PTPN18: variants seen among roughly 807,000 people sequenced by gnomAD.
PTPN18 encodes protein tyrosine phosphatase non-receptor type 18.
Under a neutral mutation model 65.4 loss-of-function variants are expected in PTPN18, and 65 were observed. That is an observed-to-expected ratio of 0.99 (90% CI 0.81 to 1.22). The LOEUF (loss-of-function observed/expected upper bound fraction) is 1.22. Among genes scored for constraint, PTPN18 ranks in the 50% most tolerant of loss-of-function variants. The pLI is 0.00. For synonymous variants in PTPN18, 255 were observed against 267.8 expected (o/e 0.95, Z 0.47); for missense variants, 616 against 646.5 (o/e 0.95, Z 0.51).
At chr2:130,371,434 A>G (rs1680562995) in intron 12 of PTPN18, 147 bp downstream of exon 12, 1 of 669,336 alleles carries the variant, frequency 1.5e-6, no homozygotes, top group Admixed American at 3.1e-5. Flanking sequence ...ACCCACCCCA[A>G]GATGATTCAA....
rs1419013533 is a variant in PTPN18 at position 130,374,885 on chromosome 2, C to T, written c.*1661C>T. ...AAGGAATGATGGGGATGTGTACATA[C>T]CCCACCCCACCCCTTGGCAGGGTGA... On this transcript the variant is annotated 3_prime_UTR_variant, in exon 15 of 15. Transcript: ENST00000175756. 5 of 311,416 alleles carry T rather than the reference C, an allele frequency of 1.6e-5. No homozygotes were observed. Among genetic ancestry groups the T allele is most frequent in the Admixed American group, 4.0e-5 (1 of 24,920 alleles). The allele number at this position is 311,416 out of a possible 1,614,324, so 19.3% of individuals were successfully genotyped here.
intron 1 of PTPN18, 23 bp downstream of exon 1, chr2:130,356,223 G>C: frequency 1.5e-6 from 2 of 1,309,444 alleles, no homozygotes; most frequent in Non-Finnish European, 9.7e-7. Context: ...CGGGGTCCGC[G>C]AGCGGCGCGC....
At chr2:130,370,843 C>A in intron 10 of PTPN18, 32 bp from the exon 11 acceptor site, 1 of 1,612,680 alleles carries the variant, frequency 6.2e-7, no homozygotes, top group Non-Finnish European at 8.5e-7. Context: ...TTGCCCCTGC[C>A]TTCCCTTCTT....
rs1680710018 is a variant in PTPN18, at chr2:130,375,205, GA to G, written c.*1984del. On this transcript the variant is annotated 3_prime_UTR_variant, in exon 15 of 15. Coordinates refer to ENST00000175756, the MANE Select transcript of PTPN18 (RefSeq NM_014369.4). Reference sequence around the variant, plus strand: ...TGAGTCATCTATCTCTGGAGGAGAAGAAAGGCAGGTCCTCCACAGCCCTGAT... The same window carrying G: ...TGAGTCATCTATCTCTGGAGGAGAAGAAGGCAGGTCCTCCACAGCCCTGAT... The G allele has an allele frequency of 6.5e-6, 1 of 153,320 alleles. No individual in the cohort carries two copies. 9.5% of individuals were successfully genotyped at this position (153,320 alleles called of 1,614,324 possible).
At chr2:130,358,375 T>C (rs1396010053) in intron 1 of PTPN18, among the ~76,000 whole-genome samples, 4 of 152,252 alleles carry the variant, frequency 2.6e-5, no homozygotes, top group African/African-American at 7.2e-5. Flanking sequence ...CATAATATGT[T>C]ATCCATTATA....
Position 130,369,154 on chromosome 2 carries a change from G to C in PTPN18, c.436G>C (p.Ala146Pro), listed in dbSNP as rs1368446898. ...GCAGAAAAGGTGTGAGCGGTACTGGGCCCAGGAGCAGGAGCCACTGCAGAC... is the reference window on the plus strand; with the variant it reads ...GCAGAAAAGGTGTGAGCGGTACTGGCCCCAGGAGCAGGAGCCACTGCAGAC... ...NGRKRCERYW[A>P]QEQEPLQTGL... Residue 146 changes from alanine to proline, a missense_variant, in exon 6 of 15, where the codon GCC (alanine) becomes CCC (proline). Physicochemically the swap from Ala to Pro is conservative, Grantham distance 27 (BLOSUM62 -1). Around this residue, in one of 3 missense-constraint regions of PTPN18, gnomAD observed 223 missense variants for 210.0 expected, o/e 1.06. Coordinates refer to ENST00000175756, the MANE Select transcript of PTPN18 (RefSeq NM_014369.4). 8.7e-6 allele frequency: 14 copies of C among 1,613,298 alleles called. No individual in the cohort carries two copies. The highest frequency in any genetic ancestry group is 1.1e-5 in the Non-Finnish European group (13 of 1,179,638).
intron 5 of PTPN18, among the ~76,000 whole-genome samples, chr2:130,363,775 T>G (rs902945805): frequency 3.3e-5 from 5 of 152,174 alleles, no homozygotes; most frequent in African/African-American, 1.2e-4. Flanking sequence ...TGTGTAGATG[T>G]GGGTTTTCAT....
At chr2:130,369,950 A>T (rs1029872729) in intron 7 of PTPN18, 98 bp from the exon 8 acceptor site, 1 of 1,551,434 alleles carries the variant, frequency 6.4e-7, no homozygotes, top group Non-Finnish European at 8.9e-7. Context: ...ACATAAATGG[A>T]AGATGCCTAG....
At chr2:130,372,191 AG>A in intron 12 of PTPN18, 65 bp from the exon 13 acceptor site, 1 of 1,441,668 alleles carries the variant, frequency 6.9e-7, no homozygotes, top group Non-Finnish European at 9.3e-7. Context: ...CGCGCTGAGC[AG>A]CCTCCCCACT....
Position 130,358,787 on chromosome 2 carries a change from G to A in PTPN18, c.94-80G>A, listed in dbSNP as rs1190190169. 9.6e-6 allele frequency: 11 copies of A among 1,149,432 alleles called. No individual in the cohort carries two copies. In the East Asian group the frequency reaches 1.2e-4, roughly 12 times the overall value. The allele number at this position is 1,149,432 out of a possible 1,614,324, so 71.2% of individuals were successfully genotyped here. A position where few individuals can be genotyped will look rare whatever the true frequency, so the allele number is the denominator to read the frequency against. On this transcript the variant is annotated intron_variant, in intron 1 of 14. Coordinates refer to ENST00000175756, the MANE Select transcript of PTPN18 (RefSeq NM_014369.4). ...GCCACTGGCTTTGTATCCTGCAAGC[G>A]TGCCTAGGTGGCCTGGGACTCTGAC...
At chr2:130,356,295 G>T in intron 1 of PTPN18, 95 bp downstream of exon 1, 1 of 848,090 alleles carries the variant, frequency 1.2e-6, no homozygotes, top group Non-Finnish European at 1.7e-6. Context: ...TTTCTGTCTC[G>T]GTGTCCCCGG....
intron 5 of PTPN18, among the ~76,000 whole-genome samples, chr2:130,363,454 A>G (rs551545983): frequency 1.3e-5 from 2 of 152,212 alleles, no homozygotes; most frequent in African/African-American, 2.4e-5. Flanking sequence ...TCAAAAAAAA[A>G]GAAAAAGAAA....
chr2:130,372,074 C>A (rs1680581397), intron 12 of PTPN18, 183 bp from the exon 13 acceptor site: 4 of 548,822 alleles, frequency 7.3e-6, no homozygotes, highest in African/African-American at 4.0e-5. Context: ...CCTCCTTCAT[C>A]CCCCTAACTT....
chr2:130,372,559 G>A lies in PTPN18; in HGVS notation c.1240+76G>A, dbSNP rs947280161. The A allele has an allele frequency of 1.9e-5, 26 of 1,397,042 alleles. No individual in the cohort carries two copies. In the African/African-American group the frequency reaches 3.1e-4, roughly 17 times the overall value. The allele number at this position is 1,397,042 out of a possible 1,614,324, so 86.5% of individuals were successfully genotyped here. On this transcript the variant is annotated intron_variant, in intron 13 of 14. Coordinates refer to ENST00000175756, the MANE Select transcript of PTPN18 (RefSeq NM_014369.4). ...GGGCGGAACCATCCTGCAGTGGTCCGTCAGGCCCTGGCGGCCGCGGGGACC... is the reference window on the plus strand; with the variant it reads ...GGGCGGAACCATCCTGCAGTGGTCCATCAGGCCCTGGCGGCCGCGGGGACC...
Position 130,359,400 on chromosome 2 carries a change from G to A in PTPN18, c.283G>A (p.Val95Met), listed in dbSNP as rs74409947. The A allele has an allele frequency of 4.8e-3, 7,701 of 1,614,174 alleles. 276 individuals carry two copies. In the African/African-American group the frequency reaches 0.086, roughly 18 times the overall value. ...TCGTGAATTCGGCCTTCACCAGGGC[G>A]TGGATGGAAGCCTGGCCTACATTGC... ...DYINGNFIRGVDGSLAYIATQ... is the reference protein window; with the variant it reads ...DYINGNFIRGMDGSLAYIATQ... The change falls in exon 4 of 15, where the codon GTG becomes ATG. Residue 95 changes from valine to methionine, a missense_variant. Physicochemically the swap from Val to Met is conservative, Grantham distance 21. Coordinates refer to ENST00000175756, the MANE Select transcript of PTPN18 (RefSeq NM_014369.4).
chr2:130,358,793 A>T, intron 1 of PTPN18, 74 bp from the exon 2 acceptor site: 1 of 1,229,280 alleles, frequency 8.1e-7, no homozygotes, highest in Non-Finnish European at 1.2e-6. Flanking sequence ...AAGCGTGCCT[A>T]GGTGGCCTGG....
intron 1 of PTPN18, among the ~76,000 whole-genome samples, chr2:130,357,555 A>T (rs1294206357): frequency 6.6e-6 from 1 of 152,214 alleles, no homozygotes; most frequent in Admixed American, 6.5e-5. Context: ...TCATAAGTAG[A>T]TATAAAATAT....
At position 130,359,245 on chromosome 2, in the gene PTPN18, G is replaced by C. The variant is rs199586116; in HGVS notation, c.215G>C (p.Arg72Pro). ...YKDVLPYDQT[R>P]VILSLLQEEG... ...TATCTGCTGACAGATGATCAGACGC[G>C]AGTAATCCTCTCCCTGCTCCAGGAA... The change falls in exon 3 of 15, where the codon CGA becomes CCA. Residue 72 changes from arginine to proline, a missense_variant. Around this residue, in one of 3 missense-constraint regions of PTPN18, gnomAD observed 223 missense variants for 210.0 expected, o/e 1.06. Transcript: ENST00000175756. 6.2e-7 allele frequency: 1 copy of C among 1,614,006 alleles called. No homozygotes were observed. Among genetic ancestry groups the C allele is most frequent in the South Asian group, 1.1e-5 (1 of 91,080 alleles).
At chr2:130,368,301 T>C (rs1026946757) in intron 5 of PTPN18, among the ~76,000 whole-genome samples, 1 of 152,240 alleles carries the variant, frequency 6.6e-6, no homozygotes, top group African/African-American at 2.4e-5. Flanking sequence ...TATTTTGAAT[T>C]TTGCACAGGT....
Sources: allele counts gnomAD v4.1 joint callset (sites outside exome capture counted in the v4.1 genomes callset), GRCh38; gene constraint gnomAD v4.1.1; regional missense constraint gnomAD v4.1.1; transcripts MANE v1.5; gene names NCBI Gene and HGNC (gene_info 2026-07-23, HGNC 2026-07-21).